The following AKAP6 variants were observed in gnomAD, a reference collection of about 807,000 sequenced individuals.
The protein encoded by AKAP6 is A-kinase anchoring protein 6.
A neutral mutation model predicts 188.5 loss-of-function variants in AKAP6; 58 were observed. That is an observed-to-expected ratio of 0.31 (90% CI 0.25 to 0.38). The LOEUF is 0.38. AKAP6 is among the 10% of genes least tolerant of loss of function. The probability of loss-of-function intolerance (pLI) is 1.00; values close to 1 mark genes in which losing one functional copy is unlikely to be tolerated. For missense variants in AKAP6, 2,710 were observed against 2,740.0 expected, an observed-to-expected ratio of 0.99 and a Z score of 0.24; for synonymous variants, 989 against 998.6, an observed-to-expected ratio of 0.99 and a Z score of 0.18.
chr14:32,381,331 C>A (rs1358049982), intron 1 of AKAP6, among the ~76,000 whole-genome samples: 2 of 151,688 alleles, frequency 1.3e-5, no homozygotes, highest in Admixed American at 1.3e-4. Context: ...CAGAGTGAGA[C>A]CCCATCTCAA....
At chr14:32,496,847 G>A (rs971188684) in intron 2 of AKAP6, among the ~76,000 whole-genome samples, 6 of 152,114 alleles carry the variant, frequency 3.9e-5, no homozygotes, top group Non-Finnish European at 7.4e-5. Context: ...GTAGTCGTAT[G>A]AACCAAATAT....
At chr14:32,444,736 C>A (rs1225087986) in intron 2 of AKAP6, among the ~76,000 whole-genome samples, 1 of 214 alleles carries the variant, frequency 4.7e-3, no homozygotes, top group Admixed American at 0.12. Context: ...TGAAGAAGGT[C>A]TTCAGTGTGC....
chr14:32,752,870 T>G (rs1288097503), intron 11 of AKAP6, among the ~76,000 whole-genome samples: 2 of 152,174 alleles, frequency 1.3e-5, no homozygotes, highest in Non-Finnish European at 2.9e-5. Context: ...TCTTTCTTTT[T>G]TAAGACTGAA....
chr14:32,771,071 A>G (rs1320081495), intron 11 of AKAP6, among the ~76,000 whole-genome samples: 4 of 152,214 alleles, frequency 2.6e-5, no homozygotes, highest in Non-Finnish European at 5.9e-5. Context: ...ATTCTAAGAA[A>G]TGTTGCCAGC....
chr14:32,710,413 CTGT>C (rs1237681092), intron 9 of AKAP6, among the ~76,000 whole-genome samples: 1 of 151,894 alleles, frequency 6.6e-6, no homozygotes, highest in Non-Finnish European at 1.5e-5. Context: ...TTGCTTACAT[CTGT>C]TGTTATGAAA....
chr14:32,452,744 A>G (rs1025660675), intron 2 of AKAP6, among the ~76,000 whole-genome samples: 5 of 152,232 alleles, frequency 3.3e-5, no homozygotes, highest in African/African-American at 1.2e-4. Context: ...GACCATATTA[A>G]TAAACAATTC....
At chr14:32,686,246 T>C (rs1889920598) in intron 8 of AKAP6, among the ~76,000 whole-genome samples, 1 of 152,020 alleles carries the variant, frequency 6.6e-6, no homozygotes, top group African/African-American at 2.4e-5. Flanking sequence ...ATCAGAACAG[T>C]TGAAATCATG....
At chr14:32,783,382 C>T (rs1199447376) in intron 12 of AKAP6, among the ~76,000 whole-genome samples, 2 of 151,960 alleles carry the variant, frequency 1.3e-5, no homozygotes, top group Non-Finnish European at 1.5e-5. Flanking sequence ...TAGAAATATT[C>T]ATGATCTTGT....
At chr14:32,540,168 C>CTCTCTCTCTCTCTCTATATATA (rs1240063339) in intron 3 of AKAP6, among the ~76,000 whole-genome samples, 5 of 60,920 alleles carry the variant, frequency 8.2e-5, no homozygotes, top group African/African-American at 4.9e-4. Flanking sequence ...CTCTCTCTCT[C>CTCTCTCTCTCTCTCTATATATA]TATATATATA....
chr14:32,615,375 A>G (rs962220374), intron 7 of AKAP6, among the ~76,000 whole-genome samples: 1 of 149,144 alleles, frequency 6.7e-6, no homozygotes, highest in African/African-American at 2.5e-5. Flanking sequence ...CCAACTCTTG[A>G]GGTGTTTGAC....
intron 1 of AKAP6, among the ~76,000 whole-genome samples, chr14:32,358,865 A>G (rs573928789): frequency 6.6e-6 from 1 of 152,280 alleles, no homozygotes; most frequent in South Asian, 2.1e-4. Flanking sequence ...AGAGATTTCA[A>G]TCATTGTTGG....
In AKAP6 at chr14:32,696,202, A is replaced by G; in HGVS notation, c.3000+92A>G. The G allele has an allele frequency of 2.7e-6, 4 of 1,464,578 alleles. No individual in the cohort carries two copies. The South Asian group carries it at 4.5e-5, about 16-fold the overall frequency. 90.7% of individuals were successfully genotyped at this position (1,464,578 alleles called of 1,614,324 possible). A position where few individuals can be genotyped will look rare whatever the true frequency, so the allele number is the denominator to read the frequency against. On this transcript the variant is annotated intron_variant, in intron 9 of 13. Coordinates refer to ENST00000280979, the MANE Select transcript of AKAP6 (RefSeq NM_004274.5). ...TCTCTCTCAGGATATCTTTTCGTTC[A>G]TTGTATGTATCATGGTGTCTATTAG...
In AKAP6 at chr14:32,834,524, T is replaced by G. The variant is rs2034853625; in HGVS notation, c.*4719T>G. ...AACAAAGATCACACACTGCTTTTAG[T>G]TTCCAAGTCTTTTTTTTTTTTTTTT... is the stretch of plus-strand genomic sequence containing the variant. On this transcript the variant is annotated 3_prime_UTR_variant, in exon 14 of 14. Coordinates refer to ENST00000280979, the MANE Select transcript of AKAP6 (RefSeq NM_004274.5). 1 of 143,386 alleles carries G rather than the reference T, an allele frequency of 7.0e-6. No homozygotes were observed. The highest frequency in any genetic ancestry group is 2.2e-4 in the South Asian group (1 of 4,470). The allele number at this position is 143,386 out of a possible 1,614,324, so 8.9% of individuals were successfully genotyped here. A position where few individuals can be genotyped will look rare whatever the true frequency, so the allele number is the denominator to read the frequency against.
At chr14:32,810,329 T>C (rs2034192942) in intron 12 of AKAP6, among the ~76,000 whole-genome samples, 2 of 152,166 alleles carry the variant, frequency 1.3e-5, no homozygotes, top group African/African-American at 4.8e-5. Flanking sequence ...TGCATTTCTT[T>C]GATTTGGGAA....
At chr14:32,736,212 T>C (rs1361312591) in intron 11 of AKAP6, among the ~76,000 whole-genome samples, 1 of 152,176 alleles carries the variant, frequency 6.6e-6, no homozygotes, top group Admixed American at 6.6e-5. Context: ...ACCTAAATGT[T>C]CTGTAAATAA....
intron 1 of AKAP6, among the ~76,000 whole-genome samples, chr14:32,426,729 C>G (rs920555633): frequency 3.9e-5 from 6 of 151,994 alleles, no homozygotes; most frequent in Non-Finnish European, 7.4e-5. Flanking sequence ...CTGAAGCAGT[C>G]AAATGAATCT....
chr14:32,441,429 A>G (rs1046634896), intron 2 of AKAP6, among the ~76,000 whole-genome samples: 1 of 152,236 alleles, frequency 6.6e-6, no homozygotes. Context: ...GAAAAAGTCT[A>G]TCTCAATTAA....
At chr14:32,382,733 T>C (rs1416117986) in intron 1 of AKAP6, among the ~76,000 whole-genome samples, 5 of 152,068 alleles carry the variant, frequency 3.3e-5, no homozygotes, top group African/African-American at 1.2e-4. Flanking sequence ...CTGTGGTAGA[T>C]GGGGAGTGTG....
At position 32,546,654 on chromosome 14, in the gene AKAP6, T is replaced by C. The variant is rs774407691; in HGVS notation, c.2001T>C (p.Asp667=). 3.7e-6 allele frequency: 6 copies of C among 1,614,172 alleles called. No homozygotes were observed. Among genetic ancestry groups the C allele is most frequent in the Non-Finnish European group, 5.1e-6 (6 of 1,180,022 alleles). Residue 667 remains aspartate, a synonymous_variant, in exon 4 of 14, where the codon GAT becomes GAC. Transcript: ENST00000280979. ...GAGGAGAAACCATCCAGAATATTGA[T>C]GACTGGGAACTGTCTGAAATGAATT... ...KPRGETIQNI[D]DWELSEMNSD...
Sources: allele counts gnomAD v4.1 joint callset (sites outside exome capture counted in the v4.1 genomes callset), GRCh38; gene constraint gnomAD v4.1.1; transcripts MANE v1.5; gene names NCBI Gene and HGNC (gene_info 2026-07-23, HGNC 2026-07-21).